The following BCAS3 variants were observed in gnomAD, a reference collection of about 807,000 sequenced individuals.
BCAS3 encodes the protein BCAS3 microtubule associated cell migration factor, also known as BCAS4/BCAS3 fusion.
In BCAS3, 53 loss-of-function variants were observed where a neutral mutation model predicts 116.1. The ratio of observed to expected loss-of-function variants is 0.46; its 90% confidence interval spans 0.37 to 0.57. The LOEUF is 0.57. Ranked by LOEUF, BCAS3 falls within the 20% of genes least tolerant of loss-of-function variation. The pLI is 0.00. For synonymous variants in BCAS3, 391 were observed against 408.2 expected, an observed-to-expected ratio of 0.96 and a Z score of 0.51; for missense variants, 917 against 1,165.4, an observed-to-expected ratio of 0.79 and a Z score of 3.10.
At chr17:61,011,117 T>C (rs1445571015) in intron 15 of BCAS3, among the ~76,000 whole-genome samples, 1 of 151,862 alleles carries the variant, frequency 6.6e-6, no homozygotes, top group Admixed American at 6.6e-5. Flanking sequence ...TTAAATAACC[T>C]CTGTTCTTTT....
intron 7 of BCAS3, among the ~76,000 whole-genome samples, chr17:60,854,751 G>A (rs111329975): frequency 0.19 from 28,576 of 151,856 alleles, 3,270 homozygotes; most frequent in African/African-American, 0.32. Context: ...TTGGTGGGAC[G>A]GTAAACTAGT....
intron 11 of BCAS3, among the ~76,000 whole-genome samples, chr17:60,909,535 A>T (rs1171356097): frequency 6.6e-6 from 1 of 152,108 alleles, no homozygotes; most frequent in Admixed American, 6.5e-5. Context: ...TTTAAAATGT[A>T]ATTTTTGATG....
rs2058768774 is a variant in BCAS3, at chr17:61,366,934, T to G, written c.2426-1393T>G. On this transcript the variant is annotated intron_variant, in intron 22 of 23. Transcript: ENST00000407086. This position sits in a 1 kb window ranked among gnomAD's most constrained non-coding sequence, Gnocchi z 4.5. The stretch of plus-strand genomic sequence containing the variant: ...GAGTTCAGGATTATCTGGCCCTCTT[T>G]GCTGATGTATGGAGTCACCGGCTGT... Among the ~76,000 whole-genome samples, 1 of 152,226 alleles carries G rather than the reference T, an allele frequency of 6.6e-6. No individual in the cohort carries two copies. Among genetic ancestry groups the G allele is most frequent in the Admixed American group, 6.5e-5 (1 of 15,280 alleles).
At chr17:61,372,226 A>G (rs1477364143) in intron 23 of BCAS3, among the ~76,000 whole-genome samples, 5 of 152,118 alleles carry the variant, frequency 3.3e-5, no homozygotes, top group Non-Finnish European at 4.4e-5. Context: ...GTTTGCACCC[A>G]TCTTTTGCAG....
chr17:61,359,094 C>A (rs763464975), intron 22 of BCAS3, among the ~76,000 whole-genome samples: 2 of 152,096 alleles, frequency 1.3e-5, no homozygotes, highest in African/African-American at 4.8e-5. Context: ...ATGTAATTGA[C>A]GCATAACCAG....
At chr17:60,785,192 A>G (rs1296893897) in intron 6 of BCAS3, among the ~76,000 whole-genome samples, 3 of 151,690 alleles carry the variant, frequency 2.0e-5, no homozygotes, top group Non-Finnish European at 4.4e-5. Flanking sequence ...ACAGAGTCTC[A>G]TTGTCACCCA....
At chr17:61,183,025 C>A (rs2079566419) in intron 22 of BCAS3, among the ~76,000 whole-genome samples, 1 of 152,190 alleles carries the variant, frequency 6.6e-6, no homozygotes, top group Non-Finnish European at 1.5e-5. Context: ...TGTGTCCATG[C>A]TGATTCTTAA....
intron 10 of BCAS3, among the ~76,000 whole-genome samples, chr17:60,892,740 G>C (rs915295763): frequency 2.0e-4 from 30 of 152,096 alleles, no homozygotes; most frequent in Non-Finnish European, 4.3e-4. Context: ...GGCCAACATA[G>C]TGAAACCCTG....
At chr17:60,838,208 C>T (rs766336810) in intron 7 of BCAS3, among the ~76,000 whole-genome samples, 35 of 151,478 alleles carry the variant, frequency 2.3e-4, no homozygotes, top group Non-Finnish European at 4.1e-4. Context: ...GCATAGTTCC[C>T]GAATAAGAAC....
At chr17:61,277,544 G>A (rs1185801450) in intron 22 of BCAS3, among the ~76,000 whole-genome samples, 2 of 151,916 alleles carry the variant, frequency 1.3e-5, no homozygotes, top group African/African-American at 4.8e-5. Context: ...AACCACATCA[G>A]GAAAGTAAAA....
At chr17:61,081,984 G>A (rs920267068) in intron 21 of BCAS3, among the ~76,000 whole-genome samples, 1 of 152,182 alleles carries the variant, frequency 6.6e-6, no homozygotes, top group African/African-American at 2.4e-5. Context: ...ATGTAGTGCA[G>A]TGATAATCTT....
In BCAS3 at chr17:61,325,273, C is replaced by T. The variant is rs536888976; in HGVS notation, c.2426-43054C>T. Among the ~76,000 whole-genome samples, 2 of 152,318 alleles carry T rather than the reference C, an allele frequency of 1.3e-5. No individual in the cohort carries two copies. The highest frequency in any genetic ancestry group is 1.3e-4 in the Admixed American group (2 of 15,298). On this transcript the variant is annotated intron_variant, in intron 22 of 23. Transcript: ENST00000407086. This position sits in a 1 kb window ranked among gnomAD's most constrained non-coding sequence, Gnocchi z 6.4. ...GAGACCATTGCAAGTAACTAACAACCGTACAAATAGCGCCCTGACCTTTTC... is the reference window on the plus strand; with the variant it reads ...GAGACCATTGCAAGTAACTAACAACTGTACAAATAGCGCCCTGACCTTTTC...
rs189165720 is a variant in BCAS3, at chr17:61,322,428, A to G, written c.2426-45899A>G. ...CCCCTCACCCTTGGTGAGGACCAGC[A>G]TTGCCTGCCAGGGTTACACCCATCC... On this transcript the variant is annotated intron_variant, in intron 22 of 23. Coordinates refer to ENST00000407086, the MANE Select transcript of BCAS3 (RefSeq NM_017679.5). Among the ~76,000 whole-genome samples the G allele has an allele frequency of 3.9e-5, 6 of 152,246 alleles. No homozygotes were observed. In the East Asian group the frequency reaches 1.2e-3, roughly 29 times the overall value.
chr17:61,260,510 G>A (rs1432241157), intron 22 of BCAS3, among the ~76,000 whole-genome samples: 1 of 152,178 alleles, frequency 6.6e-6, no homozygotes, highest in African/African-American at 2.4e-5. Context: ...GGGATTTAGA[G>A]TGAGAGACAT....
At chr17:60,730,275 G>C (rs1046034861) in intron 5 of BCAS3, among the ~76,000 whole-genome samples, 1 of 152,108 alleles carries the variant, frequency 6.6e-6, no homozygotes, top group Non-Finnish European at 1.5e-5. Context: ...ATGATTACAA[G>C]TTCCATTCAT....
At chr17:60,889,112 C>A (rs1400908057) in intron 9 of BCAS3, among the ~76,000 whole-genome samples, 1 of 152,106 alleles carries the variant, frequency 6.6e-6, no homozygotes, top group African/African-American at 2.4e-5. Flanking sequence ...TTGTTATTGG[C>A]TAGAACTGCA....
intron 16 of BCAS3, among the ~76,000 whole-genome samples, chr17:61,031,512 T>C (rs1288377675): frequency 6.6e-6 from 1 of 152,116 alleles, no homozygotes; most frequent in Non-Finnish European, 1.5e-5. Context: ...ATAGAAGATA[T>C]TTTATTCATA....
At chr17:60,881,571 G>A (rs1189544774) in intron 9 of BCAS3, among the ~76,000 whole-genome samples, 3 of 147,190 alleles carry the variant, frequency 2.0e-5, no homozygotes, top group Non-Finnish European at 3.0e-5. Context: ...GGTATATCTC[G>A]CAGTGCTATC....
At chr17:60,913,085 G>C (rs1362649104) in intron 12 of BCAS3, among the ~76,000 whole-genome samples, 2 of 151,934 alleles carry the variant, frequency 1.3e-5, no homozygotes, top group East Asian at 3.9e-4. Context: ...CCTTGAAAAA[G>C]GAAGTCTTAA....
Sources: allele counts gnomAD v4.1 joint callset (sites outside exome capture counted in the v4.1 genomes callset), GRCh38; gene constraint gnomAD v4.1.1; non-coding constraint Gnocchi (gnomAD v3.1); transcripts MANE v1.5; gene names NCBI Gene and HGNC (gene_info 2026-07-23, HGNC 2026-07-21).